The following GRM8 variants were observed in gnomAD, a reference collection of about 807,000 sequenced individuals.
GRM8 encodes the protein metabotropic glutamate receptor 8.
In GRM8, 47 loss-of-function variants were observed where a neutral mutation model predicts 87.2. The ratio of observed to expected loss-of-function variants is 0.54; its 90% CI spans 0.43 to 0.69. The LOEUF (loss-of-function observed/expected upper bound fraction) is 0.69. GRM8 is among the 30% of genes least tolerant of loss of function. The pLI is 0.00. For missense variants in GRM8, 1,019 were observed against 1,139.2 expected, an observed-to-expected ratio of 0.89 and a Z score of 1.52; for synonymous variants, 396 against 404.5, an observed-to-expected ratio of 0.98 and a Z score of 0.25.
intron 3 of GRM8, among the ~76,000 whole-genome samples, chr7:127,022,479 C>T (rs887865850): frequency 5.3e-5 from 8 of 151,758 alleles, no homozygotes; most frequent in African/African-American, 1.9e-4. Context: ...ACTCATGCAC[C>T]CAACCCTGAC....
intron 6 of GRM8, among the ~76,000 whole-genome samples, chr7:126,852,279 T>C (rs975997218): frequency 1.3e-5 from 2 of 152,180 alleles, no homozygotes; most frequent in African/African-American, 2.4e-5. Flanking sequence ...AGCCATAACA[T>C]TGTGCTTTGA....
intron 3 of GRM8, among the ~76,000 whole-genome samples, chr7:126,962,180 A>G (rs903811972): frequency 6.6e-6 from 1 of 152,234 alleles, no homozygotes; most frequent in Non-Finnish European, 1.5e-5. Context: ...GTGCTAAGCA[A>G]TACATTTTAT....
intron 3 of GRM8, among the ~76,000 whole-genome samples, chr7:127,031,948 T>A (rs969661692): frequency 1.3e-5 from 2 of 152,114 alleles, no homozygotes; most frequent in East Asian, 3.9e-4. Flanking sequence ...TTTCTCCTCA[T>A]CTACCTTAGG....
intron 9 of GRM8, among the ~76,000 whole-genome samples, chr7:126,528,166 T>C (rs1012148071): frequency 9.2e-5 from 14 of 152,146 alleles, no homozygotes; most frequent in Non-Finnish European, 1.9e-4. Context: ...GTAGTGCCAC[T>C]GTACTCCAGC....
chr7:126,685,698 C>T lies in GRM8; in HGVS notation c.1358-76200G>A, dbSNP rs751798748. 1.3e-5 allele frequency among the ~76,000 whole-genome samples: 2 copies of T among 152,116 alleles called. No individual in the cohort carries two copies. Among genetic ancestry groups the T allele is most frequent in the Non-Finnish European group, 2.9e-5 (2 of 68,000 alleles). ...TCTAAACTTTGGCTGTGGACAAGCA[C>T]AGGAGGGAGGCACAAGGGGTGCTGA... On this transcript the variant is annotated intron_variant, in intron 7 of 10. Coordinates refer to ENST00000339582, the MANE Select transcript of GRM8 (RefSeq NM_000845.3). This position sits in a 1 kb window ranked among gnomAD's most constrained non-coding sequence, Gnocchi z 4.2.
intron 2 of GRM8, among the ~76,000 whole-genome samples, chr7:127,161,873 G>A (rs953035153): frequency 6.6e-6 from 1 of 151,992 alleles, no homozygotes; most frequent in Non-Finnish European, 1.5e-5. Flanking sequence ...TGGATTTAAG[G>A]ATCACTGATT....
intron 9 of GRM8, among the ~76,000 whole-genome samples, chr7:126,521,413 C>A (rs927276886): frequency 6.6e-6 from 1 of 151,628 alleles, no homozygotes; most frequent in Non-Finnish European, 1.5e-5. Context: ...AACCTTAATT[C>A]CTCTTCTAAA....
chr7:126,958,856 T>C (rs145335909), intron 3 of GRM8, among the ~76,000 whole-genome samples: 25 of 152,354 alleles, frequency 1.6e-4, no homozygotes, highest in African/African-American at 4.6e-4. Context: ...CATGTGCAGA[T>C]ATACCAAATA....
At chr7:126,988,573 G>A (rs1448931118) in intron 3 of GRM8, among the ~76,000 whole-genome samples, 3 of 152,126 alleles carry the variant, frequency 2.0e-5, no homozygotes, top group African/African-American at 7.2e-5. Context: ...TCTATTGGGT[G>A]TTCTTGTACA....
At position 126,724,185 on chromosome 7, in the gene GRM8, G is replaced by A. The variant is rs148046170; in HGVS notation, c.1357+45680C>T. Among the ~76,000 whole-genome samples the A allele has an allele frequency of 6.6e-5, 10 of 152,256 alleles. No homozygotes were observed. The East Asian group carries it at 1.9e-3, about 29-fold the overall frequency. ...CTCTTCAATGAGATATGGAAGATTA[G>A]CTAATTGTTCACCAAACTGTACCTC... On this transcript the variant is annotated intron_variant, in intron 7 of 10. Coordinates refer to ENST00000339582, the MANE Select transcript of GRM8 (RefSeq NM_000845.3).
At chr7:126,934,385 G>A (rs1244155982) in intron 3 of GRM8, among the ~76,000 whole-genome samples, 3 of 152,106 alleles carry the variant, frequency 2.0e-5, no homozygotes, top group Admixed American at 6.6e-5. Context: ...GTACATGGAG[G>A]TTAAACCACA....
intron 2 of GRM8, among the ~76,000 whole-genome samples, chr7:127,177,260 G>C (rs993045507): frequency 2.0e-5 from 3 of 152,170 alleles, no homozygotes; most frequent in Admixed American, 6.5e-5. Context: ...GCATGACTCA[G>C]GAGAGGCAGC....
At chr7:126,827,723 C>T (rs910896749) in intron 6 of GRM8, among the ~76,000 whole-genome samples, 55 of 152,150 alleles carry the variant, frequency 3.6e-4, no homozygotes, top group Non-Finnish European at 7.1e-4. Context: ...TGCCTAATTG[C>T]CCTGGCCAGA....
intron 6 of GRM8, among the ~76,000 whole-genome samples, chr7:126,786,366 A>C (rs1820627347): frequency 6.6e-6 from 1 of 152,224 alleles, no homozygotes; most frequent in South Asian, 2.1e-4. Context: ...CAAGGAAAAA[A>C]TAAAAGCCTT....
At chr7:126,817,766 A>ATAACCCAC (rs1554501255) in intron 6 of GRM8, among the ~76,000 whole-genome samples, 1 of 152,160 alleles carries the variant, frequency 6.6e-6, no homozygotes, top group Non-Finnish European at 1.5e-5. Flanking sequence ...TTATGAGTCA[A>ATAACCCAC]TAACCCACCT....
intron 2 of GRM8, among the ~76,000 whole-genome samples, chr7:127,141,248 C>T (rs891104269): frequency 6.6e-6 from 1 of 151,744 alleles, no homozygotes; most frequent in African/African-American, 2.4e-5. Flanking sequence ...GTGCCCATCC[C>T]ACCCACACAA....
At chr7:126,849,622 C>T (rs1797020311) in intron 6 of GRM8, among the ~76,000 whole-genome samples, 1 of 152,164 alleles carries the variant, frequency 6.6e-6, no homozygotes, top group Admixed American at 6.6e-5. Context: ...CAACTATTTC[C>T]TTCCGTCTCT....
At chr7:127,164,630 C>T (rs1011028992) in intron 2 of GRM8, among the ~76,000 whole-genome samples, 9 of 152,274 alleles carry the variant, frequency 5.9e-5, no homozygotes, top group Admixed American at 3.3e-4. Flanking sequence ...TCTTATTTCT[C>T]AGCACACCTT....
At chr7:126,676,711 A>G (rs565211211) in intron 7 of GRM8, among the ~76,000 whole-genome samples, 1 of 152,328 alleles carries the variant, frequency 6.6e-6, no homozygotes, top group East Asian at 1.9e-4. Context: ...CTCACTACAT[A>G]TAAAAATTAA....
Sources: allele counts gnomAD v4.1 joint callset (sites outside exome capture counted in the v4.1 genomes callset), GRCh38; gene constraint gnomAD v4.1.1; non-coding constraint Gnocchi (gnomAD v3.1); transcripts MANE v1.5; gene names NCBI Gene and HGNC (gene_info 2026-07-23, HGNC 2026-07-21).